Variants in TRIM4 observed in about 807,000 individuals in gnomAD.
The protein encoded by TRIM4 is tripartite motif containing 4.
A neutral mutation model predicts 33.7 loss-of-function variants in TRIM4; 29 were observed. The ratio of observed to expected loss-of-function variants is 0.86; its 90% CI spans 0.64 to 1.17. The LOEUF is 1.17. Ranked by LOEUF, TRIM4 falls within the 50% of genes most tolerant of loss-of-function variation. TRIM4 has a pLI of 0.00. For missense variants in TRIM4, 554 were observed against 593.7 expected (o/e 0.93, Z 0.69); for synonymous variants, 224 against 233.0 (o/e 0.96, Z 0.35).
chr7:99,912,464 A>G (rs948653737), intron 1 of TRIM4, among the ~76,000 whole-genome samples: 5 of 151,288 alleles, frequency 3.3e-5, no homozygotes, highest in African/African-American at 9.7e-5. Flanking sequence ...CCAGAGGCAA[A>G]GGTTTCAGTG....
chr7:99,919,447 G>T lies in TRIM4; in HGVS notation c.-46C>A, dbSNP rs758443418. ...ACGGAGTCCGACGTGAGGCGCGGGA[G>T]AGGCCAGCAAGCTGCGAGCGGCCGC... On this transcript the variant is annotated 5_prime_UTR_variant, in exon 1 of 6. Coordinates refer to ENST00000349062, the MANE Select transcript of TRIM4 (RefSeq NM_033091.3). 7 of 1,473,438 alleles carry T rather than the reference G, an allele frequency of 4.8e-6. No individual in the cohort carries two copies. In the Admixed American group the frequency reaches 1.7e-4, roughly 36 times the overall value. 91.3% of individuals were successfully genotyped at this position (1,473,438 alleles called of 1,614,324 possible).
chr7:99,902,913 T>C (rs937016520), intron 5 of TRIM4, among the ~76,000 whole-genome samples: 5 of 152,166 alleles, frequency 3.3e-5, no homozygotes, highest in African/African-American at 1.2e-4. Flanking sequence ...TTCTGTAACA[T>C]TTTATTCCTA....
chr7:99,918,525 A>C (rs1819611977), intron 1 of TRIM4, among the ~76,000 whole-genome samples: 1 of 151,918 alleles, frequency 6.6e-6, no homozygotes, highest in East Asian at 1.9e-4. Context: ...AGATCACGCC[A>C]CTGTGCTCCA....
intron 5 of TRIM4, chr7:99,902,035 G>A: frequency 2.7e-6 from 2 of 742,786 alleles, no homozygotes; most frequent in South Asian, 2.8e-5. Context: ...CTCAGGCAGA[G>A]GGTAGGGCAA....
chr7:99,916,012 A>G (rs972803728), intron 1 of TRIM4, among the ~76,000 whole-genome samples: 1 of 152,204 alleles, frequency 6.6e-6, no homozygotes, highest in Non-Finnish European at 1.5e-5. Flanking sequence ...CAAAAAGGGA[A>G]TAACAGAATC....
At chr7:99,897,909 C>T (rs1476701889) in intron 5 of TRIM4, among the ~76,000 whole-genome samples, 5 of 152,178 alleles carry the variant, frequency 3.3e-5, no homozygotes, top group African/African-American at 1.2e-4. Context: ...CTTTCTTGTA[C>T]CCACTAAACA....
chr7:99,911,346 A>G (rs2151650679), intron 1 of TRIM4, among the ~76,000 whole-genome samples: 2 of 152,362 alleles, frequency 1.3e-5, no homozygotes, highest in South Asian at 4.1e-4. Flanking sequence ...GGTTTCTCCT[A>G]TGCCAAAGGA....
chr7:99,918,927 C>A, intron 1 of TRIM4, 82 bp downstream of exon 1: 1 of 1,420,068 alleles, frequency 7.0e-7, no homozygotes, highest in Non-Finnish European at 9.3e-7. Flanking sequence ...ACAGCCACTT[C>A]GTGGCTCTTT....
At position 99,891,875 on chromosome 7, in the gene TRIM4, T is replaced by C. The variant is rs1818898819; in HGVS notation, c.*288A>G. The C allele has an allele frequency of 6.4e-6, 2 of 312,798 alleles. No homozygotes were observed. The highest frequency in any genetic ancestry group is 4.5e-5 in the Admixed American group (1 of 22,434). 19.4% of individuals were successfully genotyped at this position (312,798 alleles called of 1,614,324 possible). On this transcript the variant is annotated 3_prime_UTR_variant, in exon 6 of 6. Coordinates refer to ENST00000349062, the MANE Select transcript of TRIM4 (RefSeq NM_033091.3). ...CATTCCTGTGTTCTCAGTTCCAATA[T>C]GGCTGCTAACATCCATATGTCTTCC...
chr7:99,902,215 G>A, intron 5 of TRIM4: 1 of 754,740 alleles, frequency 1.3e-6, no homozygotes, highest in Non-Finnish European at 2.4e-6. Flanking sequence ...CTCCATTTTG[G>A]CTAGAAGTGA....
At chr7:99,916,820 AC>A (rs751335448) in intron 1 of TRIM4, 8 of 777,492 alleles carry the variant, frequency 1.0e-5, no homozygotes, top group Non-Finnish European at 1.9e-5. Context: ...CTGCCTTAAA[AC>A]CCTTTTATAA....
At chr7:99,909,686 A>G (rs1169174222) in intron 1 of TRIM4, 26 bp from the exon 2 acceptor site, 3 of 1,548,026 alleles carry the variant, frequency 1.9e-6, no homozygotes, top group Non-Finnish European at 2.7e-6. Context: ...CACACAGGTA[A>G]GAAAACACAT....
At chr7:99,909,729 G>GGTTTTT (rs1563087619) in intron 1 of TRIM4, 69 bp from the exon 2 acceptor site, 7 of 725,162 alleles carry the variant, frequency 9.7e-6, no homozygotes, top group Non-Finnish European at 1.2e-5. Flanking sequence ...TTTTCTTTTT[G>GGTTTTT]TTTTTTTTTT....
chr7:99,909,707 C>A, intron 1 of TRIM4, 47 bp from the exon 2 acceptor site: 49 of 1,070,304 alleles, frequency 4.6e-5, no homozygotes, highest in Middle Eastern at 2.1e-4. Context: ...CTCCAACCAT[C>A]ATCATCTTCT....
intron 1 of TRIM4, 57 bp downstream of exon 1, chr7:99,918,952 A>G: frequency 6.6e-7 from 1 of 1,524,624 alleles, no homozygotes; most frequent in South Asian, 1.2e-5. Flanking sequence ...AGCATTAAGT[A>G]AACTTTATCG....
chr7:99,914,246 C>T (rs1269800195), intron 1 of TRIM4, among the ~76,000 whole-genome samples: 1 of 152,234 alleles, frequency 6.6e-6, no homozygotes, highest in African/African-American at 2.4e-5. Flanking sequence ...CAGCCTCGAA[C>T]TCCTGAGTGC....
intron 3 of TRIM4, among the ~76,000 whole-genome samples, chr7:99,907,244 A>C (rs543180536): frequency 2.6e-5 from 4 of 152,276 alleles, no homozygotes; most frequent in Admixed American, 6.5e-5. Context: ...CAGCCTCCCA[A>C]GTAGCTGAGA....
At chr7:99,899,666 T>C (rs184604724) in intron 5 of TRIM4, among the ~76,000 whole-genome samples, 11 of 152,362 alleles carry the variant, frequency 7.2e-5, no homozygotes, top group East Asian at 5.8e-4. Flanking sequence ...ATACACCATA[T>C]TTTGTCTGTT....
chr7:99,917,680 C>A (rs1180185050), intron 1 of TRIM4: 2 of 440,972 alleles, frequency 4.5e-6, no homozygotes, highest in East Asian at 3.1e-4. Context: ...GATCTCACCA[C>A]TGCATTCCAG....
Sources: allele counts gnomAD v4.1 joint callset (sites outside exome capture counted in the v4.1 genomes callset), GRCh38; gene constraint gnomAD v4.1.1; transcripts MANE v1.5; gene names NCBI Gene and HGNC (gene_info 2026-07-23, HGNC 2026-07-21).